The following L3MBTL4 variants were observed in gnomAD, a reference collection of about 807,000 sequenced individuals.
L3MBTL4 encodes lethal(3)malignant brain tumor-like protein 4.
In L3MBTL4, 70 loss-of-function variants were observed where a neutral mutation model predicts 84.5. The ratio of observed to expected loss-of-function variants is 0.83; its 90% CI spans 0.68 to 1.01. The LOEUF (loss-of-function observed/expected upper bound fraction) is 1.01. L3MBTL4 is among the 50% of genes least tolerant of loss of function. The pLI is 0.00. For missense variants in L3MBTL4, 715 were observed against 754.8 expected (o/e 0.95, Z 0.62); for synonymous variants, 274 against 259.8 (o/e 1.05, Z -0.52).
chr18:5,963,055 G>A (rs1247619858), intron 17 of L3MBTL4, among the ~76,000 whole-genome samples: 1 of 152,132 alleles, frequency 6.6e-6, no homozygotes, highest in Non-Finnish European at 1.5e-5. Context: ...TGTCATAGGA[G>A]GAAATAATAG....
At chr18:6,371,526 G>C (rs1599813659) in intron 1 of L3MBTL4, among the ~76,000 whole-genome samples, 1 of 152,152 alleles carries the variant, frequency 6.6e-6, no homozygotes, top group Admixed American at 6.5e-5. Context: ...CCTGAGGAAA[G>C]CCAACTCTGC....
intron 1 of L3MBTL4, among the ~76,000 whole-genome samples, chr18:6,353,210 C>T (rs552918134): frequency 9.9e-5 from 15 of 151,446 alleles, no homozygotes; most frequent in South Asian, 2.1e-4. Context: ...TACAAATCAA[C>T]GCAACTCACA....
chr18:6,390,107 A>G (rs2054984948), intron 1 of L3MBTL4, among the ~76,000 whole-genome samples: 1 of 152,140 alleles, frequency 6.6e-6, no homozygotes, highest in Non-Finnish European at 1.5e-5. Flanking sequence ...ATCTTTTCAG[A>G]CCACAGTGGA....
intron 1 of L3MBTL4, among the ~76,000 whole-genome samples, chr18:6,352,755 T>G (rs147910865): frequency 6.6e-6 from 1 of 152,182 alleles, no homozygotes; most frequent in African/African-American, 2.4e-5. Flanking sequence ...TAGCTGTCTT[T>G]CCTATGTGCT....
Position 5,969,562 on chromosome 18 carries a change from T to C in L3MBTL4, c.1445A>G (p.Glu482Gly). The change falls in exon 17 of 19, where the codon GAA becomes GGA. Residue 482 changes from glutamate (E) to glycine (G), a missense_variant and splice_region_variant. Physicochemically the swap from Glu to Gly is moderately conservative, Grantham distance 98. Coordinates refer to ENST00000317931, the MANE Select transcript of L3MBTL4 (RefSeq NM_001330559.2). The part of the protein sequence containing the change: ...EDIDLDNLFR[E>G]YSVEQAQQVL... Reference sequence around the variant, plus strand: ...CTGCTGCGCCTGCTCCACCGAGTATTCTGTAAGAGAGGTGGGGTGGGGTGA... The same window carrying C: ...CTGCTGCGCCTGCTCCACCGAGTATCCTGTAAGAGAGGTGGGGTGGGGTGA... The C allele has an allele frequency of 6.3e-7, 1 of 1,591,892 alleles. No individual in the cohort carries two copies. The highest frequency in any genetic ancestry group is 1.3e-5 in the African/African-American group (1 of 74,754).
intron 16 of L3MBTL4, among the ~76,000 whole-genome samples, chr18:6,018,932 G>T (rs1279503409): frequency 6.6e-6 from 1 of 152,136 alleles, no homozygotes; most frequent in Admixed American, 6.5e-5. Flanking sequence ...CAACTTGTTG[G>T]CATCCTGAAA....
At chr18:6,166,985 C>T (rs1228351440) in intron 13 of L3MBTL4, among the ~76,000 whole-genome samples, 4 of 151,884 alleles carry the variant, frequency 2.6e-5, no homozygotes, top group African/African-American at 4.8e-5. Context: ...TAAAAAATGA[C>T]AAAGGGGATA....
chr18:6,146,920 G>A (rs9958109), intron 13 of L3MBTL4, among the ~76,000 whole-genome samples: 9,222 of 152,032 alleles, frequency 0.061, 949 homozygotes, highest in African/African-American at 0.21. Context: ...TATGTGTGCA[G>A]ATGATGGGGC....
At chr18:6,412,560 T>C (rs2056013068) in intron 1 of L3MBTL4, among the ~76,000 whole-genome samples, 1 of 152,100 alleles carries the variant, frequency 6.6e-6, no homozygotes, top group African/African-American at 2.4e-5. Context: ...GTTGGCCTTT[T>C]CTTCATAGGA....
chr18:6,167,118 C>T (rs2043707655), intron 13 of L3MBTL4, among the ~76,000 whole-genome samples: 1 of 152,162 alleles, frequency 6.6e-6, no homozygotes, highest in Admixed American at 6.5e-5. Context: ...CCTCCCAAGA[C>T]TAAACCAGGA....
chr18:6,027,037 TA>T (rs1212745791), intron 16 of L3MBTL4, among the ~76,000 whole-genome samples: 1 of 152,196 alleles, frequency 6.6e-6, no homozygotes, highest in East Asian at 1.9e-4. Flanking sequence ...GTTTGTTTTT[TA>T]CTTTAAGTTC....
At chr18:6,026,636 C>T (rs1433472899) in intron 16 of L3MBTL4, among the ~76,000 whole-genome samples, 11 of 152,166 alleles carry the variant, frequency 7.2e-5, no homozygotes, top group African/African-American at 2.4e-4. Flanking sequence ...TAAAATGTCA[C>T]GTGAGGATCA....
intron 4 of L3MBTL4, among the ~76,000 whole-genome samples, chr18:6,285,380 A>T (rs532024591): frequency 6.6e-6 from 1 of 152,146 alleles, no homozygotes; most frequent in African/African-American, 2.4e-5. Flanking sequence ...ACTAGAATGA[A>T]TCCTGTGGGA....
intron 1 of L3MBTL4, among the ~76,000 whole-genome samples, chr18:6,342,854 G>A (rs2052676306): frequency 6.6e-6 from 1 of 151,474 alleles, no homozygotes; most frequent in African/African-American, 2.4e-5. Context: ...TTAGCTTTAA[G>A]AACACACTTA....
intron 13 of L3MBTL4, among the ~76,000 whole-genome samples, chr18:6,164,960 A>C (rs1270656645): frequency 6.6e-6 from 1 of 152,234 alleles, no homozygotes; most frequent in East Asian, 1.9e-4. Context: ...GGCTAACTAG[A>C]ATAATCAACG....
At chr18:6,167,589 T>A (rs1407641335) in intron 13 of L3MBTL4, among the ~76,000 whole-genome samples, 1 of 152,130 alleles carries the variant, frequency 6.6e-6, no homozygotes, top group Non-Finnish European at 1.5e-5. Context: ...CATGATTATC[T>A]CAATAGAGAC....
intron 17 of L3MBTL4, among the ~76,000 whole-genome samples, chr18:5,964,682 G>T (rs901994118): frequency 1.3e-5 from 2 of 152,100 alleles, no homozygotes; most frequent in Admixed American, 6.5e-5. Context: ...ATTTATATGT[G>T]GTGCTTTAAG....
intron 18 of L3MBTL4, among the ~76,000 whole-genome samples, chr18:5,958,145 G>C (rs12957882): frequency 0.16 from 11,384 of 71,062 alleles, 840 homozygotes; most frequent in African/African-American, 0.29. Context: ...AGAAGAAGAA[G>C]AAGAAGAAGA....
At chr18:6,235,826 G>C (rs923633751) in intron 10 of L3MBTL4, among the ~76,000 whole-genome samples, 1 of 152,166 alleles carries the variant, frequency 6.6e-6, no homozygotes, top group African/African-American at 2.4e-5. Flanking sequence ...ATGGTTAACT[G>C]TATGCTGTGT....
Sources: allele counts gnomAD v4.1 joint callset (sites outside exome capture counted in the v4.1 genomes callset), GRCh38; gene constraint gnomAD v4.1.1; transcripts MANE v1.5; gene names NCBI Gene and HGNC (gene_info 2026-07-23, HGNC 2026-07-21).